Variants in GPR158 observed in about 807,000 individuals in gnomAD.
The protein encoded by GPR158 is G protein-coupled receptor 158, also known as metabotropic glycine receptor.
Under a neutral mutation model 78.2 loss-of-function variants are expected in GPR158, and 30 were observed. That is an observed-to-expected ratio of 0.38 (90% CI 0.29 to 0.52). The LOEUF is 0.52. Ranked by LOEUF, GPR158 falls within the 20% of genes least tolerant of loss-of-function variation. GPR158 has a pLI of 0.83. For synonymous variants in GPR158, 581 were observed against 591.1 expected, an observed-to-expected ratio of 0.98 and a Z score of 0.25; for missense variants, 1,463 against 1,523.5, an observed-to-expected ratio of 0.96 and a Z score of 0.66.
At chr10:25,445,151 A>G (rs35220605) in intron 4 of GPR158, among the ~76,000 whole-genome samples, 10,044 of 152,252 alleles carry the variant, frequency 0.066, 703 homozygotes, top group African/African-American at 0.18. Flanking sequence ...GTAGACATAA[A>G]GAAAGTAATA....
At position 25,598,279 on chromosome 10, in the gene GPR158, C is replaced by A. The variant is rs1247065703; in HGVS notation, c.2653C>A (p.Leu885Ile). The part of the protein sequence containing the change: ...LVCKSASAHN[L>I]SSEKKTGHPR... ...GTGCAAGTCAGCAAGCGCTCACAAC[C>A]TCAGCTCAGAGAAGAAAACTGGGCA... The change falls in exon 11 of 11, where the codon CTC (leucine) becomes ATC (isoleucine). Residue 885 changes from leucine to isoleucine, a missense_variant. Coordinates refer to ENST00000376351, the MANE Select transcript of GPR158 (RefSeq NM_020752.3). The A allele has an allele frequency of 6.2e-7, 1 of 1,614,048 alleles. No individual in the cohort carries two copies.
intron 6 of GPR158, among the ~76,000 whole-genome samples, chr10:25,564,250 G>A (rs1390773615): frequency 6.6e-6 from 1 of 152,162 alleles, no homozygotes; most frequent in Non-Finnish European, 1.5e-5. Flanking sequence ...TTTCCTGCAT[G>A]TGCAGAGCCT....
At chr10:25,338,957 G>T (rs1588808620) in intron 2 of GPR158, among the ~76,000 whole-genome samples, 1 of 150,260 alleles carries the variant, frequency 6.7e-6, no homozygotes, top group Non-Finnish European at 1.5e-5. Flanking sequence ...TCTGTTAAAG[G>T]TCCTACACAT....
In GPR158 at chr10:25,272,847, A is replaced by C. The variant is rs762819759; in HGVS notation, c.1008+51690A>C. 3.0e-4 allele frequency among the ~76,000 whole-genome samples: 46 copies of C among 152,342 alleles called. 1 individual carries two copies. Among genetic ancestry groups the C allele is most frequent in the Non-Finnish European group, 5.0e-4 (34 of 68,024 alleles). On this transcript the variant is annotated intron_variant, in intron 2 of 10. Coordinates refer to ENST00000376351, the MANE Select transcript of GPR158 (RefSeq NM_020752.3). ...TTGCAGCAAGAAAGGAAGGTTATCC[A>C]GGGATGTACTAGACTTCTAAAATTT...
intron 2 of GPR158, among the ~76,000 whole-genome samples, chr10:25,274,955 T>A (rs1053847019): frequency 7.2e-5 from 11 of 152,310 alleles, no homozygotes; most frequent in African/African-American, 2.6e-4. Flanking sequence ...AAAACGATAC[T>A]GCTGGAATTA....
chr10:25,377,794 C>T (rs908392425), intron 2 of GPR158, among the ~76,000 whole-genome samples: 4 of 151,952 alleles, frequency 2.6e-5, no homozygotes, highest in Non-Finnish European at 4.4e-5. Context: ...GGACATATGG[C>T]TTACTTTCAT....
At chr10:25,587,584 G>T (rs1380879544) in intron 7 of GPR158, among the ~76,000 whole-genome samples, 1 of 152,170 alleles carries the variant, frequency 6.6e-6, no homozygotes, top group South Asian at 2.1e-4. Context: ...AATTATACAT[G>T]AAAATCTCAG....
At chr10:25,324,242 C>T (rs746758664) in intron 2 of GPR158, among the ~76,000 whole-genome samples, 37 of 152,328 alleles carry the variant, frequency 2.4e-4, no homozygotes, top group Admixed American at 2.3e-3. Context: ...GACCTGCTTT[C>T]GTCACTAAGT....
At position 25,351,431 on chromosome 10, in the gene GPR158, TG is replaced by T. The variant is rs146748198; in HGVS notation, c.1009-44473del. ...TATCCTGGGGAACTGGAGTTGGGGG[TG>T]GGGGGGTGCTGGAAATGCCTATCCT... On this transcript the variant is annotated intron_variant, in intron 2 of 10. Transcript: ENST00000376351. Among the ~76,000 whole-genome samples, 5 of 115,558 alleles carry T rather than the reference TG, an allele frequency of 4.3e-5. No homozygotes were observed. In the East Asian group the frequency reaches 8.8e-4, roughly 20 times the overall value. The allele number at this position is 115,558 out of a possible 152,430, so 75.8% of individuals were successfully genotyped here.
rs138545898 is a variant in GPR158, at chr10:25,225,840, A to G, written c.1008+4683A>G. On this transcript the variant is annotated intron_variant, in intron 2 of 10. Transcript: ENST00000376351. ...ATTAGATGTAGTTTAATGAATCTCTAAAGATAAATTTTAAAGAAGGCTAAA... is the reference window on the plus strand; with the variant it reads ...ATTAGATGTAGTTTAATGAATCTCTGAAGATAAATTTTAAAGAAGGCTAAA... Among the ~76,000 whole-genome samples the G allele has an allele frequency of 9.8e-3, 1,494 of 152,258 alleles. 32 individuals are homozygous for G. The highest frequency in any genetic ancestry group is 0.033 in the African/African-American group (1,385 of 41,552).
intron 1 of GPR158, among the ~76,000 whole-genome samples, chr10:25,194,265 C>T (rs562865009): frequency 6.6e-6 from 1 of 152,064 alleles, no homozygotes; most frequent in African/African-American, 2.4e-5. Context: ...CAGGCTGGGC[C>T]CAGTGGCTCA....
intron 7 of GPR158, among the ~76,000 whole-genome samples, chr10:25,577,640 CA>C (rs928446004): frequency 2.6e-5 from 4 of 152,062 alleles, no homozygotes; most frequent in Admixed American, 6.5e-5. Flanking sequence ...AGGGCTGCTC[CA>C]AAACTGCTCA....
At chr10:25,511,340 C>A (rs1032627473) in intron 5 of GPR158, among the ~76,000 whole-genome samples, 2 of 152,080 alleles carry the variant, frequency 1.3e-5, no homozygotes, top group African/African-American at 4.8e-5. Context: ...ATTTGTATAT[C>A]TTCTTCTGAG....
chr10:25,290,255 T>C (rs945719341), intron 2 of GPR158, among the ~76,000 whole-genome samples: 5 of 152,234 alleles, frequency 3.3e-5, no homozygotes, highest in African/African-American at 7.2e-5. Context: ...TTCCGTATAC[T>C]ATCTCTGATT....
chr10:25,200,357 A>T (rs1215661897), intron 1 of GPR158, among the ~76,000 whole-genome samples: 2 of 151,784 alleles, frequency 1.3e-5, no homozygotes, highest in Non-Finnish European at 2.9e-5. Flanking sequence ...CTTTTTAATA[A>T]GGTTGTCTGT....
chr10:25,456,543 G>A (rs1835293880), intron 4 of GPR158, among the ~76,000 whole-genome samples: 1 of 152,032 alleles, frequency 6.6e-6, no homozygotes, highest in African/African-American at 2.4e-5. Flanking sequence ...CCAGTTGATG[G>A]GCTGTTTTGC....
chr10:25,215,587 C>T (rs1723441219), intron 1 of GPR158, among the ~76,000 whole-genome samples: 1 of 152,194 alleles, frequency 6.6e-6, no homozygotes, highest in Non-Finnish European at 1.5e-5. Flanking sequence ...GCAATCCTAG[C>T]ACTTTGGGAG....
At chr10:25,393,449 A>C (rs1834329007) in intron 2 of GPR158, 1 of 152,244 alleles carries the variant, frequency 6.6e-6, no homozygotes, top group Non-Finnish European at 1.5e-5. Context: ...AATCTAACTT[A>C]CAACAAACTC....
chr10:25,439,763 CA>C (rs1333236006), intron 4 of GPR158, among the ~76,000 whole-genome samples: 2 of 152,136 alleles, frequency 1.3e-5, no homozygotes, highest in African/African-American at 4.8e-5. Flanking sequence ...TTGTCAAACT[CA>C]GTGCAAAATC....
Sources: allele counts gnomAD v4.1 joint callset (sites outside exome capture counted in the v4.1 genomes callset), GRCh38; gene constraint gnomAD v4.1.1; transcripts MANE v1.5; gene names NCBI Gene and HGNC (gene_info 2026-07-23, HGNC 2026-07-21).